The following CAMK1D variants were observed in gnomAD, a reference collection of about 807,000 sequenced individuals.
The protein encoded by CAMK1D is calcium/calmodulin-dependent protein kinase type 1D.
Under a neutral mutation model 47.7 loss-of-function variants are expected in CAMK1D, and 9 were observed. That is an observed-to-expected ratio of 0.19 (90% confidence interval 0.11 to 0.33). The LOEUF is 0.33. Ranked by LOEUF, CAMK1D falls within the 10% of genes least tolerant of loss-of-function variation. The pLI is 1.00. For missense variants in CAMK1D, 291 were observed against 488.7 expected, an observed-to-expected ratio of 0.60 and a Z score of 3.81; for synonymous variants, 184 against 184.9, an observed-to-expected ratio of 0.99 and a Z score of 0.04.
chr10:12,442,398 G>A (rs1236071229), intron 1 of CAMK1D, among the ~76,000 whole-genome samples: 2 of 151,994 alleles, frequency 1.3e-5, no homozygotes, highest in African/African-American at 2.4e-5. Context: ...GGAGAATGGC[G>A]TGAACCCGGG....
intron 1 of CAMK1D, among the ~76,000 whole-genome samples, chr10:12,371,344 A>G (rs1837999920): frequency 6.6e-6 from 1 of 152,054 alleles, no homozygotes; most frequent in Non-Finnish European, 1.5e-5. Context: ...TGGGAGGCCA[A>G]GGTGGGTAGA....
chr10:12,811,632 A>G (rs1832610555), intron 6 of CAMK1D, among the ~76,000 whole-genome samples: 2 of 152,372 alleles, frequency 1.3e-5, no homozygotes, highest in Middle Eastern at 3.4e-3. Context: ...ATATACATTT[A>G]AAAAACTGGC....
chr10:12,710,746 A>G (rs1833906972), intron 3 of CAMK1D, among the ~76,000 whole-genome samples: 1 of 152,200 alleles, frequency 6.6e-6, no homozygotes, highest in Non-Finnish European at 1.5e-5. Flanking sequence ...CCTACACTGT[A>G]TTCCACTAAG....
rs556632999 is a variant in CAMK1D, at chr10:12,589,042, C to G, written c.224+35686C>G. The stretch of plus-strand genomic sequence containing the variant: ...TTTGAGACAGGGTCTTGCCCTGTCT[C>G]CCAGGCTGGAGTGCAGTGGTGCTAT... On this transcript the variant is annotated intron_variant, in intron 2 of 10. Transcript: ENST00000619168. 7.2e-5 allele frequency among the ~76,000 whole-genome samples: 11 copies of G among 152,202 alleles called. No individual in the cohort carries two copies. In the South Asian group the frequency reaches 2.3e-3, roughly 32 times the overall value.
intron 2 of CAMK1D, among the ~76,000 whole-genome samples, chr10:12,595,342 G>GGAAAAAAAAAAAAAAAAAAA (rs1554794318): frequency 4.2e-5 from 1 of 23,554 alleles, no homozygotes; most frequent in Non-Finnish European, 7.0e-5. Flanking sequence ...AACTCCATCT[G>GGAAAAAAAAAAAAAAAAAAA]AAAAAAAAAA....
intron 2 of CAMK1D, among the ~76,000 whole-genome samples, chr10:12,602,901 A>ATTATTATTATTATTATTATTATTG (rs1417031439): frequency 6.9e-6 from 1 of 144,936 alleles, no homozygotes; most frequent in Admixed American, 7.0e-5. Flanking sequence ...GCTTGTTATT[A>ATTATTATTATTATTATTATTATTG]TTATTATTAT....
chr10:12,526,895 C>T (rs993912868), intron 1 of CAMK1D, among the ~76,000 whole-genome samples: 1 of 11,572 alleles, frequency 8.6e-5, no homozygotes, highest in African/African-American at 2.2e-4. Context: ...AAAACCCTAT[C>T]TCAAAAAAAA....
intron 2 of CAMK1D, among the ~76,000 whole-genome samples, chr10:12,634,637 C>T (rs1364442759): frequency 1.3e-5 from 2 of 152,188 alleles, no homozygotes; most frequent in Non-Finnish European, 2.9e-5. Context: ...AGACAGCCCC[C>T]CAGAGCCGCC....
chr10:12,743,731 G>A (rs1042098955), intron 3 of CAMK1D, among the ~76,000 whole-genome samples: 1 of 151,964 alleles, frequency 6.6e-6, no homozygotes, highest in Admixed American at 6.6e-5. Context: ...CTAAAGATTT[G>A]CCTGTTCCGG....
chr10:12,759,887 GT>G (rs1836419519), intron 3 of CAMK1D, among the ~76,000 whole-genome samples: 2 of 152,194 alleles, frequency 1.3e-5, no homozygotes, highest in African/African-American at 4.8e-5. Flanking sequence ...ATGAGTGTGT[GT>G]TACCGTAGGG....
In CAMK1D at chr10:12,382,426, G is replaced by A. The variant is rs148311533; in HGVS notation, c.92+32516G>A. Among the ~76,000 whole-genome samples the A allele has an allele frequency of 4.5e-3, 688 of 151,806 alleles. 5 individuals carry two copies. Among genetic ancestry groups the A allele is most frequent in the Admixed American group, 6.8e-3 (104 of 15,184 alleles). ...ACGCATGTTTTGGTAACTTACATAG[G>A]ATCTTTCATATGAAATACTCAGAAA... On this transcript the variant is annotated intron_variant, in intron 1 of 10. Coordinates refer to ENST00000619168, the MANE Select transcript of CAMK1D (RefSeq NM_153498.4).
intron 2 of CAMK1D, among the ~76,000 whole-genome samples, chr10:12,647,648 C>T (rs556557992): frequency 1.1e-4 from 16 of 152,198 alleles, no homozygotes; most frequent in African/African-American, 3.9e-4. Flanking sequence ...CATTCTTAGA[C>T]CTGGGTAAGA....
intron 1 of CAMK1D, among the ~76,000 whole-genome samples, chr10:12,468,823 G>T (rs1484148864): frequency 6.6e-6 from 1 of 152,178 alleles, no homozygotes; most frequent in East Asian, 1.9e-4. Flanking sequence ...GGTTTGAGAA[G>T]AATTAGCCTC....
chr10:12,798,799 A>G (rs2131024274), intron 6 of CAMK1D, among the ~76,000 whole-genome samples: 1 of 152,332 alleles, frequency 6.6e-6, no homozygotes, highest in Non-Finnish European at 1.5e-5. Context: ...TGGGGAAAAT[A>G]TAGTCTCTGA....
At chr10:12,407,830 A>C (rs546900937) in intron 1 of CAMK1D, among the ~76,000 whole-genome samples, 1 of 151,004 alleles carries the variant, frequency 6.6e-6, no homozygotes, top group South Asian at 2.1e-4. Flanking sequence ...TTCCTCCTCA[A>C]GGGTGTGATT....
intron 4 of CAMK1D, 93 bp downstream of exon 4, chr10:12,761,179 C>G: frequency 6.8e-7 from 1 of 1,463,798 alleles, no homozygotes; most frequent in Admixed American, 2.0e-5. Context: ...CATGCAGCTG[C>G]TCTGATGTAG....
chr10:12,451,593 A>T (rs997449258), intron 1 of CAMK1D, among the ~76,000 whole-genome samples: 2 of 152,266 alleles, frequency 1.3e-5, no homozygotes. Flanking sequence ...TTCTGATAAT[A>T]GTGGCACTTA....
At chr10:12,555,062 G>A (rs141098142) in intron 2 of CAMK1D, among the ~76,000 whole-genome samples, 9 of 152,360 alleles carry the variant, frequency 5.9e-5, no homozygotes, top group African/African-American at 2.2e-4. Context: ...AATAAAAGAT[G>A]TTGGAAATAT....
chr10:12,665,054 A>G (rs576979311), intron 2 of CAMK1D, among the ~76,000 whole-genome samples: 1 of 152,324 alleles, frequency 6.6e-6, no homozygotes, highest in African/African-American at 2.4e-5. Context: ...TCTCAAGTTA[A>G]GCTCTCTTGG....
Sources: gnomAD v4.1 joint callset for allele counts (sites outside exome capture counted in the v4.1 genomes callset) on GRCh38, gnomAD v4.1.1 for gene constraint, MANE v1.5 for transcripts, NCBI Gene and HGNC (gene_info 2026-07-23, HGNC 2026-07-21) for gene names.